SCN2A: variants seen among roughly 807,000 people sequenced by gnomAD.
SCN2A encodes the protein sodium voltage-gated channel alpha subunit 2.
In SCN2A, 20 loss-of-function variants were observed where a neutral mutation model predicts 188.7. The observed-to-expected ratio is 0.11, with a 90% confidence interval of 0.07 to 0.15. The LOEUF is 0.15. Ranked by LOEUF, SCN2A falls within the 10% of genes least tolerant of loss-of-function variation. The pLI is 1.00. For synonymous variants in SCN2A, 804 were observed against 833.1 expected, an observed-to-expected ratio of 0.97 and a Z score of 0.60; for missense variants, 1,278 against 2,445.0, an observed-to-expected ratio of 0.52 and a Z score of 10.07.
At chr2:165,318,789 G>A (rs560116833) in intron 11 of SCN2A, among the ~76,000 whole-genome samples, 1 of 152,138 alleles carries the variant, frequency 6.6e-6, no homozygotes, top group Admixed American at 6.5e-5. Flanking sequence ...TAGCTAATGA[G>A]GAGCAGTATG....
In SCN2A at chr2:165,379,619, A is replaced by T. The variant is rs531614597; in HGVS notation, c.4309-973A>T. Among the ~76,000 whole-genome samples the T allele has an allele frequency of 3.9e-5, 6 of 151,926 alleles. No homozygotes were observed. In the East Asian group the frequency reaches 5.8e-4, roughly 15 times the overall value. On this transcript the variant is annotated intron_variant, in intron 23 of 26. Transcript: ENST00000375437. ...ATGTATATTGTCTTTTAAAAATTTT[A>T]AAAATATAATTTTACATCACTGTTA...
chr2:165,341,953 C>A (rs1412704944), intron 14 of SCN2A, among the ~76,000 whole-genome samples: 1 of 152,066 alleles, frequency 6.6e-6, no homozygotes, highest in Non-Finnish European at 1.5e-5. Flanking sequence ...GTGATGGAAG[C>A]CCGCACTGCT....
chr2:165,242,251 T>C (rs1407406013), intron 1 of SCN2A, among the ~76,000 whole-genome samples: 1 of 152,092 alleles, frequency 6.6e-6, no homozygotes, highest in Non-Finnish European at 1.5e-5. Flanking sequence ...AATTAAACAT[T>C]AATGGGGAAC....
At chr2:165,278,362 T>A (rs1695435361) in intron 1 of SCN2A, among the ~76,000 whole-genome samples, 1 of 152,146 alleles carries the variant, frequency 6.6e-6, no homozygotes, top group Non-Finnish European at 1.5e-5. Flanking sequence ...AAACTTACTA[T>A]CATGGCAAAA....
intron 23 of SCN2A, among the ~76,000 whole-genome samples, chr2:165,379,234 A>G (rs1038477365): frequency 6.6e-6 from 1 of 151,732 alleles, no homozygotes; most frequent in African/African-American, 2.4e-5. Context: ...ATAATTGAAT[A>G]CTATATAGTG....
Position 165,309,462 on chromosome 2 carries a change from A to G in SCN2A, c.697+19A>G, listed in dbSNP as rs1697318214. 1.9e-6 allele frequency: 3 copies of G among 1,613,242 alleles called. No homozygotes were observed. The highest frequency in any genetic ancestry group is 2.5e-6 in the Non-Finnish European group (3 of 1,179,414). ...ATTCCAGGTGAGAGCTAGGTTAAAC[A>G]CCGAGGCTGACTTTAGCTACAGTGG... On this transcript the variant is annotated intron_variant, in intron 6 of 26. Transcript: ENST00000375437.
At chr2:165,287,580 T>C (rs1695905996) in intron 1 of SCN2A, among the ~76,000 whole-genome samples, 1 of 152,100 alleles carries the variant, frequency 6.6e-6, no homozygotes, top group African/African-American at 2.4e-5. Flanking sequence ...ATTATTATTT[T>C]AGACAGTTTA....
chr2:165,326,943 G>C lies in SCN2A; in HGVS notation c.2108G>C (p.Arg703Thr). 6.2e-7 allele frequency: 1 copy of C among 1,614,022 alleles called. No homozygotes were observed. Among genetic ancestry groups the C allele is most frequent in the South Asian group, 1.1e-5 (1 of 91,062 alleles). Residue 703 changes from arginine (R) to threonine (T), a missense_variant, in exon 13 of 27, where the codon AGA becomes ACA. By Grantham distance (71) the Arg-to-Thr change is moderately conservative. Coordinates refer to ENST00000375437, the MANE Select transcript of SCN2A (RefSeq NM_001040142.2). ...DLLEDPTSRQRAMSIASILTN... is the reference protein window; with the variant it reads ...DLLEDPTSRQTAMSIASILTN... Reference sequence around the variant, plus strand: ...TTGGAAGATCCTACATCAAGGCAAAGAGCAATGAGTATAGCCAGTATTTTG... The same window carrying C: ...TTGGAAGATCCTACATCAAGGCAAACAGCAATGAGTATAGCCAGTATTTTG...
chr2:165,274,970 A>G (rs1212848857), intron 1 of SCN2A, among the ~76,000 whole-genome samples: 2 of 152,118 alleles, frequency 1.3e-5, no homozygotes, highest in Non-Finnish European at 2.9e-5. Flanking sequence ...TTGGGCTCTG[A>G]TCTTGACATT....
At chr2:165,287,127 A>C (rs891362084) in intron 1 of SCN2A, among the ~76,000 whole-genome samples, 1 of 152,194 alleles carries the variant, frequency 6.6e-6, no homozygotes, top group African/African-American at 2.4e-5. Flanking sequence ...CAGGAACAAA[A>C]GGAAGTAAAG....
chr2:165,369,322 C>A (rs1700901541), intron 19 of SCN2A, among the ~76,000 whole-genome samples: 1 of 152,126 alleles, frequency 6.6e-6, no homozygotes, highest in African/African-American at 2.4e-5. Flanking sequence ...CTCAGTTACA[C>A]CCAGTCAGTG....
chr2:165,269,793 T>G (rs1695026093), intron 1 of SCN2A: 2 of 151,836 alleles, frequency 1.3e-5, no homozygotes, highest in Admixed American at 6.6e-5. Context: ...TTTACTTAAA[T>G]ATATGTTTAT....
At chr2:165,275,349 C>A (rs570982239) in intron 1 of SCN2A, among the ~76,000 whole-genome samples, 1 of 152,270 alleles carries the variant, frequency 6.6e-6, no homozygotes, top group East Asian at 1.9e-4. Context: ...TCCTCCCCAA[C>A]CCTGATTATT....
chr2:165,387,166 A>G (rs2105398976), intron 26 of SCN2A, 150 bp downstream of exon 26: 1 of 758,426 alleles, frequency 1.3e-6, no homozygotes, highest in South Asian at 1.7e-5. Context: ...TTAGTTTGCC[A>G]TTTCTCTAAT....
chr2:165,375,191 C>T (rs1701245014), intron 22 of SCN2A, among the ~76,000 whole-genome samples: 1 of 151,846 alleles, frequency 6.6e-6, no homozygotes, highest in Non-Finnish European at 1.5e-5. Flanking sequence ...TCTCAAAAAA[C>T]TAAAAATAGA....
intron 1 of SCN2A, chr2:165,270,570 C>T (rs946231829): frequency 6.6e-5 from 10 of 152,144 alleles, no homozygotes; most frequent in African/African-American, 2.4e-4. Context: ...GCTACTATCG[C>T]CCTTTCTGTA....
At chr2:165,308,005 A>G (rs1476553607) in intron 4 of SCN2A, 68 bp downstream of exon 4, 13 of 1,014,438 alleles carry the variant, frequency 1.3e-5, no homozygotes, top group Middle Eastern at 5.2e-4. Context: ...ACACCTTGAG[A>G]CCTCCTCAAT....
chr2:165,331,658 C>G, intron 14 of SCN2A, 90 bp downstream of exon 14: 1 of 1,015,276 alleles, frequency 9.8e-7, no homozygotes, highest in Non-Finnish European at 1.5e-6. Flanking sequence ...TAAATATCAA[C>G]TAATTGGCCA....
Position 165,389,831 on chromosome 2 carries a change from A to AC in SCN2A, c.*9dup, listed in dbSNP as rs759364994. 3 of 1,596,814 alleles carry AC rather than the reference A, an allele frequency of 1.9e-6. No individual in the cohort carries two copies. The highest frequency in any genetic ancestry group is 2.6e-6 in the Non-Finnish European group (3 of 1,171,128). The stretch of plus-strand genomic sequence containing the variant: ...CAGGGAAAGTAAAAAGTAAAAAGAA[A>AC]CCAAGAATTTTCCATTTTGTGATCA... On this transcript the variant is annotated 3_prime_UTR_variant, in exon 27 of 27. Coordinates refer to ENST00000375437, the MANE Select transcript of SCN2A (RefSeq NM_001040142.2). The surrounding 1 kb of genome is among the most constrained non-coding windows in gnomAD (Gnocchi z 4.2).
Sources: allele counts gnomAD v4.1 joint callset (sites outside exome capture counted in the v4.1 genomes callset), GRCh38; gene constraint gnomAD v4.1.1; non-coding constraint Gnocchi (gnomAD v3.1); transcripts MANE v1.5; gene names NCBI Gene and HGNC (gene_info 2026-07-23, HGNC 2026-07-21).